The following LARGE1 variants were observed in gnomAD, a reference collection of about 807,000 sequenced individuals.
LARGE1 encodes LARGE xylosyl- and glucuronyltransferase 1, also known as xylosyl- and glucuronyltransferase LARGE1.
Under a neutral mutation model 87.6 loss-of-function variants are expected in LARGE1, and 43 were observed. The observed-to-expected ratio is 0.49, with a 90% CI of 0.38 to 0.63. LARGE1 has a LOEUF of 0.63. LARGE1 is among the 30% of genes least tolerant of loss of function. The probability of loss-of-function intolerance (pLI) is 0.00; values close to 1 mark genes in which losing one functional copy is unlikely to be tolerated. For synonymous variants in LARGE1, 434 were observed against 394.6 expected, an observed-to-expected ratio of 1.10 and a Z score of -1.18; for missense variants, 802 against 1,000.2, an observed-to-expected ratio of 0.80 and a Z score of 2.67.
At chr22:33,317,168 C>G (rs936610028) in intron 10 of LARGE1, among the ~76,000 whole-genome samples, 2 of 152,076 alleles carry the variant, frequency 1.3e-5, no homozygotes, top group Non-Finnish European at 2.9e-5. Context: ...GAGCTGAGAT[C>G]GCACCACTGC....
intron 6 of LARGE1, among the ~76,000 whole-genome samples, chr22:33,521,600 TAG>T (rs1309025589): frequency 1.3e-5 from 2 of 152,202 alleles, no homozygotes; most frequent in African/African-American, 4.8e-5. Context: ...GAAGTGGACA[TAG>T]ATGCCTCCTC....
At chr22:33,594,133 G>A (rs1047317301) in intron 5 of LARGE1, among the ~76,000 whole-genome samples, 3 of 152,122 alleles carry the variant, frequency 2.0e-5, no homozygotes, top group Non-Finnish European at 4.4e-5. Flanking sequence ...AATTTTCTAG[G>A]GTGTACACTA....
intron 1 of LARGE1, among the ~76,000 whole-genome samples, chr22:33,881,815 T>C (rs2064693015): frequency 6.6e-6 from 1 of 152,222 alleles, no homozygotes; most frequent in Non-Finnish European, 1.5e-5. Context: ...AAGTGAGTGA[T>C]CATCTTCATG....
intron 7 of LARGE1, among the ~76,000 whole-genome samples, chr22:33,407,765 C>T (rs1389770705): frequency 6.6e-6 from 1 of 152,042 alleles, no homozygotes; most frequent in African/African-American, 2.4e-5. Context: ...TCTGAAAGGG[C>T]CAATAAGTAT....
intron 5 of LARGE1, among the ~76,000 whole-genome samples, chr22:33,584,828 G>C (rs2078623255): frequency 6.6e-6 from 1 of 152,200 alleles, no homozygotes; most frequent in Admixed American, 6.5e-5. Context: ...ATGAAAAAGA[G>C]AAAGTGGGCT....
intron 7 of LARGE1, among the ~76,000 whole-genome samples, chr22:33,424,518 A>G (rs930332832): frequency 1.3e-5 from 2 of 152,138 alleles, no homozygotes; most frequent in Non-Finnish European, 2.9e-5. Context: ...ATCTCCCCCA[A>G]ATTCACACAT....
Position 33,604,578 on chromosome 22 carries a change from G to C in LARGE1, c.492-20C>G, listed in dbSNP as rs373205336. 3.1e-6 allele frequency: 5 copies of C among 1,613,898 alleles called. No homozygotes were observed. The South Asian group carries it at 5.5e-5, about 18-fold the overall frequency. On this transcript the variant is annotated intron_variant, in intron 4 of 14. Coordinates refer to ENST00000397394, the MANE Select transcript of LARGE1 (RefSeq NM_133642.5). ...TTCCGTCTGTGGGGAGTGTGAGAAGGAAGGGTCAGGTGGAGAGGTACGGCT... is the reference window on the plus strand; with the variant it reads ...TTCCGTCTGTGGGGAGTGTGAGAAGCAAGGGTCAGGTGGAGAGGTACGGCT...
chr22:33,508,772 A>C (rs2070891098), intron 6 of LARGE1, among the ~76,000 whole-genome samples: 1 of 152,184 alleles, frequency 6.6e-6, no homozygotes, highest in Admixed American at 6.5e-5. Flanking sequence ...ACTTCACGTG[A>C]CATTTGTCTC....
In LARGE1 at chr22:33,619,629, C is replaced by T. The variant is rs535551760; in HGVS notation, c.491+6615G>A. Among the ~76,000 whole-genome samples, 64 of 151,916 alleles carry T rather than the reference C, an allele frequency of 4.2e-4. 1 individual carries two copies. In the South Asian group the frequency reaches 0.013, roughly 31 times the overall value. ...ATGAGAACTTCTTTTTGTTGAGAAG[C>T]TCAGATTCTGAAGCTAGATTGCCTG... On this transcript the variant is annotated intron_variant, in intron 4 of 14. Transcript: ENST00000397394.
intron 6 of LARGE1, among the ~76,000 whole-genome samples, chr22:33,502,438 T>C (rs139191426): frequency 0.012 from 1,849 of 152,184 alleles, 48 homozygotes; most frequent in African/African-American, 0.041. Context: ...CTGCAGAAAG[T>C]GAACCACGGA....
At chr22:33,555,120 A>G (rs2077636926) in intron 6 of LARGE1, among the ~76,000 whole-genome samples, 1 of 152,194 alleles carries the variant, frequency 6.6e-6, no homozygotes, top group African/African-American at 2.4e-5. Context: ...TCTAACAACT[A>G]TTTACTTAGC....
At position 33,461,726 on chromosome 22, in the gene LARGE1, C is replaced by T. The variant is rs144319801; in HGVS notation, c.788-29461G>A. 3.9e-4 allele frequency among the ~76,000 whole-genome samples: 59 copies of T among 151,364 alleles called. No individual in the cohort carries two copies. In the East Asian group the frequency reaches 9.5e-3, roughly 24 times the overall value. Reference sequence around the variant, plus strand: ...AAAATGTTATGACCTATGCCTGGCACGCACACACACAGGCACACACACTCT... The same window carrying T: ...AAAATGTTATGACCTATGCCTGGCATGCACACACACAGGCACACACACTCT... On this transcript the variant is annotated intron_variant, in intron 6 of 14. Transcript: ENST00000397394.
chr22:33,803,349 C>T (rs2086220087), intron 1 of LARGE1, among the ~76,000 whole-genome samples: 1 of 152,170 alleles, frequency 6.6e-6, no homozygotes, highest in South Asian at 2.1e-4. Context: ...CTCCTGGACA[C>T]ATTTGGTGGT....
intron 2 of LARGE1, among the ~76,000 whole-genome samples, chr22:33,650,877 A>C (rs868176508): frequency 6.6e-6 from 1 of 152,182 alleles, no homozygotes; most frequent in Non-Finnish European, 1.5e-5. Flanking sequence ...TGGTGATAAA[A>C]GCTAATATGC....
intron 6 of LARGE1, among the ~76,000 whole-genome samples, chr22:33,441,021 G>GT (rs113384851): frequency 2.8e-4 from 36 of 128,408 alleles, no homozygotes; most frequent in South Asian, 7.6e-4. Context: ...TCCTTTTTTT[G>GT]TTTTTTTTTC....
intron 1 of LARGE1, among the ~76,000 whole-genome samples, chr22:33,872,528 C>A (rs1419655159): frequency 6.6e-6 from 1 of 152,000 alleles, no homozygotes; most frequent in African/African-American, 2.4e-5. Context: ...CGCCACCCCC[C>A]CAGCGACACA....
intron 6 of LARGE1, among the ~76,000 whole-genome samples, chr22:33,496,524 CACCAAG>C (rs1348272442): frequency 6.6e-6 from 1 of 152,166 alleles, no homozygotes; most frequent in African/African-American, 2.4e-5. Context: ...ATCACCAAGA[CACCAAG>C]CTGAGTCTGC....
At chr22:33,586,615 G>A (rs1260812714) in intron 5 of LARGE1, among the ~76,000 whole-genome samples, 2 of 152,078 alleles carry the variant, frequency 1.3e-5, no homozygotes, top group Non-Finnish European at 1.5e-5. Context: ...CCACCACCAC[G>A]CCTGGCTAAT....
intron 2 of LARGE1, among the ~76,000 whole-genome samples, chr22:33,689,122 C>T (rs1231347572): frequency 6.7e-6 from 1 of 150,060 alleles, no homozygotes; most frequent in African/African-American, 2.5e-5. Context: ...ATGCGTGCTA[C>T]TGCAAGGGCT....
Sources: allele counts gnomAD v4.1 joint callset (sites outside exome capture counted in the v4.1 genomes callset), GRCh38; gene constraint gnomAD v4.1.1; transcripts MANE v1.5; gene names NCBI Gene and HGNC (gene_info 2026-07-23, HGNC 2026-07-21).